ASCC3: variants seen among roughly 807,000 people sequenced by gnomAD.
ASCC3 encodes the protein ASC-1 complex subunit P200.
In ASCC3, 158 loss-of-function variants were observed where a neutral mutation model predicts 256.3. The observed-to-expected ratio is 0.62, with a 90% CI of 0.54 to 0.70. ASCC3 has a LOEUF of 0.70. Among genes scored for constraint, ASCC3 ranks in the 30% least tolerant of loss-of-function variants. The pLI is 0.00. For synonymous variants in ASCC3, 948 were observed against 883.4 expected (o/e 1.07, Z -1.30); for missense variants, 2,259 against 2,626.0 (o/e 0.86, Z 3.05).
chr6:100,731,190 G>C (rs1195414975), intron 10 of ASCC3, among the ~76,000 whole-genome samples: 3 of 152,116 alleles, frequency 2.0e-5, no homozygotes, highest in East Asian at 1.9e-4. Context: ...GGGAATTGGG[G>C]AGAGACGTTC....
At chr6:100,734,325 T>G (rs1780046717) in intron 10 of ASCC3, among the ~76,000 whole-genome samples, 1 of 152,208 alleles carries the variant, frequency 6.6e-6, no homozygotes, top group Non-Finnish European at 1.5e-5. Context: ...AAAATGAGTT[T>G]TTGATACGAC....
intron 10 of ASCC3, among the ~76,000 whole-genome samples, chr6:100,751,464 C>G (rs1201270526): frequency 2.0e-5 from 3 of 151,792 alleles, no homozygotes; most frequent in Admixed American, 1.3e-4. Flanking sequence ...ACAAAAGTAA[C>G]CAGAGGCAGT....
chr6:100,618,492 A>G (rs1484387377), intron 30 of ASCC3, among the ~76,000 whole-genome samples: 1 of 152,202 alleles, frequency 6.6e-6, no homozygotes, highest in African/African-American at 2.4e-5. Flanking sequence ...ACCTCTTAGG[A>G]TATCGGACAG....
At chr6:100,628,059 G>C in intron 27 of ASCC3, 72 bp from the exon 28 acceptor site, 1 of 1,440,934 alleles carries the variant, frequency 6.9e-7, no homozygotes, top group Non-Finnish European at 9.6e-7. Context: ...ACCACAAAAG[G>C]AAGAGTTTGT....
At chr6:100,545,821 A>G (rs1417048403) in intron 36 of ASCC3, among the ~76,000 whole-genome samples, 4 of 152,062 alleles carry the variant, frequency 2.6e-5, no homozygotes, top group African/African-American at 9.7e-5. Context: ...GCCTCAAGCA[A>G]CTTTCTGCCT....
chr6:100,676,854 T>C (rs1194387702), intron 14 of ASCC3, among the ~76,000 whole-genome samples: 4 of 152,174 alleles, frequency 2.6e-5, no homozygotes, highest in Non-Finnish European at 5.9e-5. Context: ...AATGAAACTG[T>C]AAAGAAGTGC....
chr6:100,867,846 A>C, intron 2 of ASCC3, 62 bp downstream of exon 2: 1 of 1,364,556 alleles, frequency 7.3e-7, no homozygotes, highest in Non-Finnish European at 1.0e-6. Context: ...AAGAATGTCA[A>C]ATAGTTGTCC....
At chr6:100,814,033 T>A (rs1770618342) in intron 4 of ASCC3, among the ~76,000 whole-genome samples, 1 of 152,174 alleles carries the variant, frequency 6.6e-6, no homozygotes, top group Non-Finnish European at 1.5e-5. Flanking sequence ...TCAAGGGGAA[T>A]GCTTCCAGAT....
At chr6:100,874,940 T>C (rs1773925828) in intron 1 of ASCC3, among the ~76,000 whole-genome samples, 1 of 152,220 alleles carries the variant, frequency 6.6e-6, no homozygotes, top group Admixed American at 6.5e-5. Context: ...AATGTGCATT[T>C]GGAAACTGAT....
chr6:100,620,188 C>T (rs1773877279), intron 30 of ASCC3, among the ~76,000 whole-genome samples: 1 of 152,156 alleles, frequency 6.6e-6, no homozygotes, highest in Non-Finnish European at 1.5e-5. Context: ...GCATTCAACT[C>T]TTTCTATCTT....
chr6:100,749,019 T>G (rs763891672), intron 10 of ASCC3, among the ~76,000 whole-genome samples: 3 of 152,052 alleles, frequency 2.0e-5, no homozygotes, highest in Non-Finnish European at 4.4e-5. Context: ...TGTGGTAATG[T>G]GACTGATAAA....
At chr6:100,606,216 T>C (rs1772879104) in intron 32 of ASCC3, among the ~76,000 whole-genome samples, 2 of 152,104 alleles carry the variant, frequency 1.3e-5, no homozygotes, top group Non-Finnish European at 1.5e-5. Flanking sequence ...AGCTTTTACA[T>C]GTATTCATTT....
At chr6:100,833,470 C>T (rs1771719956) in intron 4 of ASCC3, among the ~76,000 whole-genome samples, 1 of 152,048 alleles carries the variant, frequency 6.6e-6, no homozygotes, top group African/African-American at 2.4e-5. Context: ...TGGACTTCAA[C>T]TAATAATAAT....
rs776947396 is a variant in ASCC3 at position 100,864,227 on chromosome 6, T to A, written c.91-13A>T. 4.4e-6 allele frequency: 7 copies of A among 1,578,278 alleles called. No homozygotes were observed. The East Asian group carries it at 9.0e-5, about 20-fold the overall frequency. On this transcript the variant is annotated splice_polypyrimidine_tract_variant and intron_variant, in intron 2 of 41. Coordinates refer to ENST00000369162, the MANE Select transcript of ASCC3 (RefSeq NM_006828.4). ...TAGATCGCTTTATCTGAAACAGAGA[T>A]TATAATGTAGAAAAGTACTGCTTAA...
At chr6:100,786,999 G>A (rs1467184309) in intron 8 of ASCC3, among the ~76,000 whole-genome samples, 1 of 152,122 alleles carries the variant, frequency 6.6e-6, no homozygotes, top group African/African-American at 2.4e-5. Flanking sequence ...ATGTAAATGT[G>A]CAAAGTAAGA....
Position 100,848,342 on chromosome 6 carries a change from GTTCA to G in ASCC3, c.603_606del (p.Glu202IlefsTer29), listed in dbSNP as rs777877756. The G allele has an allele frequency of 2.3e-5, 37 of 1,613,900 alleles. No homozygotes were observed. The highest frequency in any genetic ancestry group is 3.0e-5 in the Non-Finnish European group (35 of 1,179,992). ...TCTGGGGTGCAAGCCTCCTGGAGATGTTCATTCAGAAACTTCTTATAATCTAGGC... is the reference window on the plus strand; with the variant it reads ...TCTGGGGTGCAAGCCTCCTGGAGATGTTCAGAAACTTCTTATAATCTAGGC... On this transcript the variant is annotated frameshift_variant, in exon 4 of 42. Transcript: ENST00000369162. LOFTEE classifies it high-confidence loss of function.
chr6:100,685,939 T>C (rs1056577203), intron 13 of ASCC3, among the ~76,000 whole-genome samples: 1 of 152,206 alleles, frequency 6.6e-6, no homozygotes, highest in African/African-American at 2.4e-5. Flanking sequence ...TCTGACCACA[T>C]TCTTATTCTT....
At chr6:100,856,390 C>G (rs1046785964) in intron 3 of ASCC3, 1 of 983,922 alleles carries the variant, frequency 1.0e-6, no homozygotes, top group African/African-American at 1.7e-5. Context: ...CCATGATAGC[C>G]AAACCTTAAG....
chr6:100,542,887 G>A (rs896835419), intron 36 of ASCC3, among the ~76,000 whole-genome samples: 4 of 151,870 alleles, frequency 2.6e-5, no homozygotes, highest in Non-Finnish European at 2.9e-5. Context: ...AAGAAATGAA[G>A]AGCACTAAAA....
Sources: allele counts gnomAD v4.1 joint callset (sites outside exome capture counted in the v4.1 genomes callset), GRCh38; gene constraint gnomAD v4.1.1; transcripts MANE v1.5; gene names NCBI Gene and HGNC (gene_info 2026-07-23, HGNC 2026-07-21).